The following FGF12 variants were observed in gnomAD, a reference collection of about 807,000 sequenced individuals.
FGF12 encodes the protein fibroblast growth factor 12B.
In FGF12, 14 loss-of-function variants were observed where a neutral mutation model predicts 23.6. That is an observed-to-expected ratio of 0.59 (90% confidence interval 0.39 to 0.93). The LOEUF (loss-of-function observed/expected upper bound fraction) is 0.93. Ranked by LOEUF, FGF12 falls within the 40% of genes least tolerant of loss-of-function variation. The pLI, the probability that FGF12 is intolerant of heterozygous loss-of-function variation, is 0.00. For synonymous variants in FGF12, 62 were observed against 77.3 expected, an observed-to-expected ratio of 0.80 and a Z score of 1.04; for missense variants, 175 against 217.8, an observed-to-expected ratio of 0.80 and a Z score of 1.24.
At chr3:192,341,838 A>G (rs1440409911) in intron 3 of FGF12, among the ~76,000 whole-genome samples, 1 of 152,208 alleles carries the variant, frequency 6.6e-6, no homozygotes, top group Non-Finnish European at 1.5e-5. Flanking sequence ...CAGTATATAA[A>G]AGTCCTAACT....
At chr3:192,463,436 T>C (rs1452633558) in intron 2 of FGF12, among the ~76,000 whole-genome samples, 1 of 152,146 alleles carries the variant, frequency 6.6e-6, no homozygotes, top group Non-Finnish European at 1.5e-5. Flanking sequence ...AAAGTTGTTG[T>C]TGTCGTTGTT....
rs147327161 is a variant in FGF12, at chr3:192,633,859, C to G, written c.13+93322G>C. Among the ~76,000 whole-genome samples the G allele has an allele frequency of 5.3e-5, 8 of 152,196 alleles. No individual in the cohort carries two copies. The South Asian group carries it at 6.2e-4, about 12-fold the overall frequency. ...GTAACCTCTCTCACATCTCAACAAC[C>G]CTTCATGCGCCTTTATGTTAAACCA... On this transcript the variant is annotated intron_variant, in intron 2 of 5. Coordinates refer to ENST00000445105, the MANE Select transcript of FGF12 (RefSeq NM_004113.6).
intron 3 of FGF12, among the ~76,000 whole-genome samples, chr3:192,357,391 A>C (rs1718520541): frequency 6.6e-6 from 1 of 152,006 alleles, no homozygotes; most frequent in Non-Finnish European, 1.5e-5. Context: ...CTGAGGCAGG[A>C]GAATCACTTG....
chr3:192,486,068 G>A (rs936397429), intron 2 of FGF12, among the ~76,000 whole-genome samples: 1 of 152,026 alleles, frequency 6.6e-6, no homozygotes, highest in African/African-American at 2.4e-5. Flanking sequence ...CTTTACCTAA[G>A]TTCGAGGAAC....
chr3:192,191,138 G>C (rs1716769747), intron 4 of FGF12, among the ~76,000 whole-genome samples: 1 of 152,114 alleles, frequency 6.6e-6, no homozygotes, highest in South Asian at 2.1e-4. Flanking sequence ...ATAATATGGA[G>C]AAGTATTTTC....
At chr3:192,672,070 C>T (rs1370046305) in intron 2 of FGF12, among the ~76,000 whole-genome samples, 3 of 152,204 alleles carry the variant, frequency 2.0e-5, no homozygotes, top group Non-Finnish European at 4.4e-5. Context: ...AGCACTAGAG[C>T]GTAGCTCTCT....
intron 4 of FGF12, among the ~76,000 whole-genome samples, chr3:192,191,447 A>T (rs781271437): frequency 2.6e-5 from 4 of 152,238 alleles, no homozygotes; most frequent in Non-Finnish European, 5.9e-5. Flanking sequence ...GAAGATGCTG[A>T]TAATGTGGAG....
At chr3:192,517,727 TGTAA>T (rs1360385034) in intron 2 of FGF12, among the ~76,000 whole-genome samples, 1 of 152,222 alleles carries the variant, frequency 6.6e-6, no homozygotes, top group Non-Finnish European at 1.5e-5. Context: ...GTTTCTACTT[TGTAA>T]GTAAGTATGA....
At chr3:192,431,430 G>C (rs1272682709) in intron 2 of FGF12, among the ~76,000 whole-genome samples, 1 of 152,068 alleles carries the variant, frequency 6.6e-6, no homozygotes, top group African/African-American at 2.4e-5. Context: ...GTGTGAAGGA[G>C]AATTTAAAAA....
chr3:192,361,607 C>T (rs6781356), intron 2 of FGF12, among the ~76,000 whole-genome samples: 9,772 of 152,210 alleles, frequency 0.064, 1,111 homozygotes, highest in African/African-American at 0.22. Context: ...ATTTATTCAA[C>T]TAATGTTTAC....
intron 4 of FGF12, among the ~76,000 whole-genome samples, chr3:192,235,353 GC>G (rs1210447522): frequency 6.6e-6 from 1 of 152,112 alleles, no homozygotes; most frequent in East Asian, 1.9e-4. Context: ...GGGTCGCCAG[GC>G]TACAATGCAG....
chr3:192,585,222 A>T (rs572623658), intron 2 of FGF12, among the ~76,000 whole-genome samples: 13 of 152,316 alleles, frequency 8.5e-5, no homozygotes, highest in African/African-American at 2.9e-4. Context: ...AATGCTGGAC[A>T]CTGTGCTTCC....
At chr3:192,466,125 C>T (rs765018033) in intron 2 of FGF12, among the ~76,000 whole-genome samples, 7 of 152,152 alleles carry the variant, frequency 4.6e-5, no homozygotes, top group Non-Finnish European at 5.9e-5. Flanking sequence ...CCAACCTGTA[C>T]GGCATGCTAC....
intron 4 of FGF12, among the ~76,000 whole-genome samples, chr3:192,328,980 A>G (rs1200149234): frequency 1.3e-5 from 2 of 152,198 alleles, no homozygotes. Context: ...ACTTTGATCA[A>G]TGTAATCATA....
intron 2 of FGF12, among the ~76,000 whole-genome samples, chr3:192,464,227 G>A (rs2108809461): frequency 6.6e-6 from 1 of 152,162 alleles, no homozygotes; most frequent in South Asian, 2.1e-4. Context: ...AGAATTTGGT[G>A]CACCCATCAC....
intron 4 of FGF12, among the ~76,000 whole-genome samples, chr3:192,214,625 G>A (rs2108683398): frequency 6.6e-6 from 1 of 152,306 alleles, no homozygotes; most frequent in Non-Finnish European, 1.5e-5. Context: ...TTATGATGAA[G>A]CAACTTACCC....
At chr3:192,595,622 G>A (rs777539143) in intron 2 of FGF12, among the ~76,000 whole-genome samples, 2 of 152,268 alleles carry the variant, frequency 1.3e-5, no homozygotes, top group South Asian at 2.1e-4. Context: ...TCAAGAATTC[G>A]CATTTCTAAC....
intron 2 of FGF12, among the ~76,000 whole-genome samples, chr3:192,677,783 G>A (rs922117293): frequency 3.3e-5 from 5 of 152,134 alleles, no homozygotes; most frequent in African/African-American, 9.7e-5. Flanking sequence ...CACAGAGCTG[G>A]TACCCTAAGC....
chr3:192,574,307 C>A (rs1024778194), intron 2 of FGF12, among the ~76,000 whole-genome samples: 1 of 152,300 alleles, frequency 6.6e-6, no homozygotes, highest in Non-Finnish European at 1.5e-5. Context: ...GTAAAGCCTG[C>A]TATATAATGA....
Sources: allele counts gnomAD v4.1 joint callset (sites outside exome capture counted in the v4.1 genomes callset), GRCh38; gene constraint gnomAD v4.1.1; transcripts MANE v1.5; gene names NCBI Gene and HGNC (gene_info 2026-07-23, HGNC 2026-07-21).